Variants in FBXL2 observed in about 807,000 individuals in gnomAD.
The protein encoded by FBXL2 is F-box/LRR-repeat protein 2.
Under a neutral mutation model 69.2 loss-of-function variants are expected in FBXL2, and 38 were observed. That is an observed-to-expected ratio of 0.55 (90% CI 0.42 to 0.72). The LOEUF (loss-of-function observed/expected upper bound fraction) is 0.72, where lower values mean the gene tolerates loss of function less well. FBXL2 is among the 30% of genes least tolerant of loss of function. The pLI is 0.00. For synonymous variants in FBXL2, 192 were observed against 201.3 expected (o/e 0.95, Z 0.39); for missense variants, 354 against 520.3 (o/e 0.68, Z 3.11).
At chr3:33,393,862 C>G (rs1432828285) in intron 12 of FBXL2, among the ~76,000 whole-genome samples, 1 of 152,106 alleles carries the variant, frequency 6.6e-6, no homozygotes, top group Admixed American at 6.6e-5. Context: ...CAATGGCTGC[C>G]AAACTCTCTA....
At chr3:33,395,315 A>G (rs2043931093) in intron 12 of FBXL2, among the ~76,000 whole-genome samples, 1 of 151,988 alleles carries the variant, frequency 6.6e-6, no homozygotes, top group African/African-American at 2.4e-5. Flanking sequence ...GCATCTCTGA[A>G]TGCCATTAAC....
chr3:33,307,501 G>A (rs146310174), intron 2 of FBXL2, among the ~76,000 whole-genome samples: 71 of 152,184 alleles, frequency 4.7e-4, no homozygotes, highest in African/African-American at 1.7e-3. Context: ...CCATTAATGG[G>A]ACAGTTGGCA....
chr3:33,330,766 G>A (rs1208530390), intron 2 of FBXL2, among the ~76,000 whole-genome samples: 3 of 151,990 alleles, frequency 2.0e-5, no homozygotes, highest in Admixed American at 2.0e-4. Flanking sequence ...GCGTGTGCCT[G>A]TAATCCCAGC....
chr3:33,400,117 A>G, intron 12 of FBXL2: 2 of 1,042,414 alleles, frequency 1.9e-6, no homozygotes, highest in South Asian at 2.5e-5. Context: ...TTTTAAAAAT[A>G]TAAAGTTAAT....
chr3:33,324,866 A>G (rs2038558310), intron 2 of FBXL2, among the ~76,000 whole-genome samples: 1 of 152,138 alleles, frequency 6.6e-6, no homozygotes. Flanking sequence ...TCATGGGGAT[A>G]GCATTGAATC....
intron 2 of FBXL2, among the ~76,000 whole-genome samples, chr3:33,306,246 C>A (rs1013851876): frequency 6.7e-6 from 1 of 149,876 alleles, no homozygotes; most frequent in Non-Finnish European, 1.5e-5. Context: ...TTGACCCATA[C>A]GTGTTTTTTT....
At position 33,358,266 on chromosome 3, in the gene FBXL2, G is replaced by A. The variant is rs183918436; in HGVS notation, c.66-701G>A. On this transcript the variant is annotated intron_variant, in intron 2 of 14. Transcript: ENST00000484457. ...AGCTGTCACTCTGCAGTGCTGAGGC[G>A]CACACGGCTGTTTGCTCACATACTA... Among the ~76,000 whole-genome samples, 620 of 152,282 alleles carry A rather than the reference G, an allele frequency of 4.1e-3. 7 individuals carry two copies. The highest frequency in any genetic ancestry group is 0.013 in the African/African-American group (557 of 41,562).
chr3:33,364,588 A>G, intron 4 of FBXL2, 37 bp from the exon 5 acceptor site: 1 of 1,552,762 alleles, frequency 6.4e-7, no homozygotes. Context: ...AGCATGAAAA[A>G]ACAGTATTTT....
At chr3:33,326,451 C>T (rs1186939747) in intron 2 of FBXL2, among the ~76,000 whole-genome samples, 8 of 150,604 alleles carry the variant, frequency 5.3e-5, no homozygotes, top group Non-Finnish European at 1.0e-4. Flanking sequence ...TGCAGTGAGC[C>T]GAGATCGCTC....
intron 1 of FBXL2, among the ~76,000 whole-genome samples, chr3:33,296,463 C>G (rs1302408623): frequency 6.6e-6 from 1 of 152,110 alleles, no homozygotes; most frequent in African/African-American, 2.4e-5. Context: ...TCCAAGGCCA[C>G]CAAGATTTAT....
chr3:33,334,035 A>G (rs1011772715), intron 2 of FBXL2, among the ~76,000 whole-genome samples: 5 of 152,148 alleles, frequency 3.3e-5, no homozygotes, highest in African/African-American at 4.8e-5. Context: ...AGGATTACAA[A>G]TGAGCAGACA....
At chr3:33,355,223 C>T (rs555707631) in intron 2 of FBXL2, among the ~76,000 whole-genome samples, 1 of 152,182 alleles carries the variant, frequency 6.6e-6, no homozygotes, top group East Asian at 1.9e-4. Flanking sequence ...AGCCACCACT[C>T]GCTGCCAAAA....
At chr3:33,306,925 AT>A (rs1163678887) in intron 2 of FBXL2, among the ~76,000 whole-genome samples, 1 of 152,104 alleles carries the variant, frequency 6.6e-6, no homozygotes, top group African/African-American at 2.4e-5. Flanking sequence ...GAATACTTTT[AT>A]AAACAGGCAC....
At chr3:33,364,289 T>G in intron 4 of FBXL2, 1 of 265,840 alleles carries the variant, frequency 3.8e-6, no homozygotes, top group Non-Finnish European at 7.2e-6. Flanking sequence ...CAAAAAGCCT[T>G]TTGGTTGGTG....
chr3:33,367,925 A>G (rs2042056481), intron 5 of FBXL2, among the ~76,000 whole-genome samples: 1 of 152,184 alleles, frequency 6.6e-6, no homozygotes, highest in South Asian at 2.1e-4. Flanking sequence ...ATTTTCATGC[A>G]AAATGCATTC....
downstream of FBXL2, among the ~76,000 whole-genome samples, chr3:33,404,207 T>C (rs2044350942): frequency 2.6e-5 from 4 of 152,126 alleles, no homozygotes; most frequent in South Asian, 8.3e-4. Context: ...GGTCAGGAGA[T>C]TGAGACCATC....
intron 1 of FBXL2, among the ~76,000 whole-genome samples, chr3:33,288,691 AAG>A (rs769472208): frequency 2.6e-5 from 4 of 152,154 alleles, no homozygotes; most frequent in Non-Finnish European, 4.4e-5. Context: ...GGAGTGTAGT[AAG>A]AGAGGGTAGT....
Position 33,396,990 on chromosome 3 carries a change from C to T in FBXL2, n.1215-6244C>T, listed in dbSNP as rs1326718767. On this transcript the variant is annotated intron_variant and non_coding_transcript_variant, in intron 12 of 12. Transcript: ENST00000463736. ...TGGAAACACATTCTGCCCAAATTCC[C>T]CACGCGAAGAAAGGTACATTCTTAT... 4.0e-6 allele frequency: 6 copies of T among 1,516,700 alleles called. No homozygotes were observed. In the African/African-American group the frequency reaches 8.2e-5, roughly 21 times the overall value. 94.0% of individuals were successfully genotyped at this position (1,516,700 alleles called of 1,614,324 possible). A position where few individuals can be genotyped will look rare whatever the true frequency, so the allele number is the denominator to read the frequency against.
the FBXL2 span, chr3:33,409,434 G>C: frequency 1.2e-6 from 2 of 1,613,982 alleles, no homozygotes; most frequent in Non-Finnish European, 1.7e-6. Flanking sequence ...AGAAAACCCG[G>C]GTTCTCTGTC....
Sources: allele counts gnomAD v4.1 joint callset (sites outside exome capture counted in the v4.1 genomes callset), GRCh38; gene constraint gnomAD v4.1.1; transcripts MANE v1.5; gene names NCBI Gene and HGNC (gene_info 2026-07-23, HGNC 2026-07-21).